Variants in ASS1 observed in about 807,000 individuals in gnomAD.
ASS1 encodes argininosuccinate synthase.
A neutral mutation model predicts 60.5 loss-of-function variants in ASS1; 58 were observed. The ratio of observed to expected loss-of-function variants is 0.96; its 90% confidence interval spans 0.78 to 1.19. The LOEUF (loss-of-function observed/expected upper bound fraction) is 1.19. Ranked by LOEUF, ASS1 falls within the 50% of genes most tolerant of loss-of-function variation. The probability of loss-of-function intolerance (pLI) is 0.00; values close to 1 mark genes in which losing one functional copy is unlikely to be tolerated. For synonymous variants in ASS1, 200 were observed against 206.9 expected (o/e 0.97, Z 0.29); for missense variants, 454 against 547.3 (o/e 0.83, Z 1.70).
intron 1 of ASS1, among the ~76,000 whole-genome samples, chr9:130,450,531 C>A (rs1014906529): frequency 2.6e-5 from 4 of 152,230 alleles, no homozygotes; most frequent in Non-Finnish European, 5.9e-5. Flanking sequence ...GAACCATCTT[C>A]TCTGCCCCAG....
intron 14 of ASS1, among the ~76,000 whole-genome samples, chr9:130,499,908 A>G (rs1284194204): frequency 1.3e-5 from 2 of 152,178 alleles, no homozygotes; most frequent in Non-Finnish European, 2.9e-5. Flanking sequence ...AGGAAATAGC[A>G]TAGAGGTGGA....
intron 11 of ASS1, 83 bp downstream of exon 11, chr9:130,480,532 C>A: frequency 6.8e-7 from 1 of 1,462,758 alleles, no homozygotes; most frequent in South Asian, 1.2e-5. Context: ...CCTTTGGACG[C>A]TACTACCCCC....
In ASS1 at chr9:130,470,957, C is replaced by T. The variant is rs534328086; in HGVS notation, c.566+53C>T. 228 of 1,582,746 alleles carry T rather than the reference C, an allele frequency of 1.4e-4. No individual in the cohort carries two copies. Among genetic ancestry groups the T allele is most frequent in the South Asian group, 6.5e-4 (59 of 90,406 alleles). On this transcript the variant is annotated intron_variant, in intron 7 of 14. Coordinates refer to ENST00000352480, the MANE Select transcript of ASS1 (RefSeq NM_054012.4). The surrounding 1 kb of genome is among the most constrained non-coding windows in gnomAD (Gnocchi z 4.3). ...GTCCTCCCGGGCTCATTCCAAAGGA[C>T]GGCCACGCGCTGCCCCAGGACGTCC...
rs1488840592 is a variant in ASS1 at position 130,457,282 on chromosome 9, G to A, written c.175-1119G>A. On this transcript the variant is annotated intron_variant, in intron 3 of 14. Coordinates refer to ENST00000352480, the MANE Select transcript of ASS1 (RefSeq NM_054012.4). Reference sequence around the variant, plus strand: ...TATTGAAGTTTATGAAGAAAACTGGGCAACACAGTGAGATCCCATCTCTAC... The same window carrying A: ...TATTGAAGTTTATGAAGAAAACTGGACAACACAGTGAGATCCCATCTCTAC... Among the ~76,000 whole-genome samples the A allele has an allele frequency of 2.0e-5, 3 of 152,054 alleles. No individual in the cohort carries two copies. The highest frequency in any genetic ancestry group is 2.1e-4 in the South Asian group (1 of 4,820).
chr9:130,460,321 C>T (rs73541983), intron 4 of ASS1, among the ~76,000 whole-genome samples: 11 of 152,174 alleles, frequency 7.2e-5, no homozygotes, highest in Non-Finnish European at 1.6e-4. Flanking sequence ...ATTTCTTCAC[C>T]GGAGCACTGG....
Position 130,452,291 on chromosome 9 carries a change from C to T in ASS1, c.63C>T (p.Leu21=), listed in dbSNP as rs774476997. ...GCGGCCTGGACACCTCGTGCATCCT[C>T]GTGTGGCTGAAGGAACAAGGCTATG... ...YSGGLDTSCI[L]VWLKEQGYDV... The change falls in exon 2 of 15, where the codon CTC becomes CTT. Residue 21 remains leucine (L), a synonymous_variant. Coordinates refer to ENST00000352480, the MANE Select transcript of ASS1 (RefSeq NM_054012.4). The T allele has an allele frequency of 6.8e-6, 11 of 1,614,036 alleles. No individual in the cohort carries two copies. The highest frequency in any genetic ancestry group is 5.3e-5 in the African/African-American group (4 of 74,908).
chr9:130,463,374 G>T lies in ASS1; in HGVS notation c.364-737G>T, dbSNP rs543607439. Among the ~76,000 whole-genome samples the T allele has an allele frequency of 4.6e-5, 7 of 152,132 alleles. No homozygotes were observed. In the East Asian group the frequency reaches 9.7e-4, roughly 21 times the overall value. Reference sequence around the variant, plus strand: ...GACGGTGGTCCCGGCTATGTCGGGGGTAACGTTCACAGCTCAGTGGGGTGT... The same window carrying T: ...GACGGTGGTCCCGGCTATGTCGGGGTTAACGTTCACAGCTCAGTGGGGTGT... On this transcript the variant is annotated intron_variant, in intron 4 of 14. Transcript: ENST00000352480.
intron 8 of ASS1, among the ~76,000 whole-genome samples, chr9:130,472,538 AGGGCGAG>A (rs1363671327): frequency 6.6e-6 from 1 of 152,140 alleles, no homozygotes; most frequent in Non-Finnish European, 1.5e-5. Context: ...CCGGCTGCTC[AGGGCGAG>A]GGAACGGGCC....
rs1424826350 is a variant in ASS1 at position 130,470,240 on chromosome 9, G to A, written c.496-594G>A. 1.3e-5 allele frequency among the ~76,000 whole-genome samples: 2 copies of A among 152,238 alleles called. No homozygotes were observed. Among genetic ancestry groups the A allele is most frequent in the African/African-American group, 4.8e-5 (2 of 41,458 alleles). Reference sequence around the variant, plus strand: ...CAACAGACTGGGCCATTTAGGAAGCGAAACAGAGCCAGAGCCGAGTGCCTT... The same window carrying A: ...CAACAGACTGGGCCATTTAGGAAGCAAAACAGAGCCAGAGCCGAGTGCCTT... On this transcript the variant is annotated intron_variant, in intron 6 of 14. Transcript: ENST00000352480. This position sits in a 1 kb window ranked among gnomAD's most constrained non-coding sequence, Gnocchi z 4.3.
intron 1 of ASS1, among the ~76,000 whole-genome samples, chr9:130,449,719 C>A (rs373766891): frequency 1.3e-5 from 2 of 152,166 alleles, no homozygotes; most frequent in Admixed American, 6.5e-5. Context: ...GTTTTCCTGA[C>A]TCTAAAATGA....
chr9:130,482,931 C>T (rs1846207062), intron 11 of ASS1, among the ~76,000 whole-genome samples: 1 of 152,198 alleles, frequency 6.6e-6, no homozygotes, highest in Non-Finnish European at 1.5e-5. Context: ...CAAGAACTTG[C>T]TGTGTGATCT....
At chr9:130,479,824 G>A (rs1564155944) in intron 10 of ASS1, 24 bp downstream of exon 10, 1 of 1,607,884 alleles carries the variant, frequency 6.2e-7, no homozygotes, top group South Asian at 1.1e-5. Flanking sequence ...GCCCTGTCCG[G>A]CCTCTTGGGA....
intron 8 of ASS1, among the ~76,000 whole-genome samples, chr9:130,475,683 T>C (rs1845994663): frequency 6.7e-6 from 1 of 148,972 alleles, no homozygotes; most frequent in Non-Finnish European, 1.5e-5. Flanking sequence ...TCTTACCAAA[T>C]GGGGCTGCTG....
chr9:130,475,038 T>G (rs1452844536), intron 8 of ASS1, among the ~76,000 whole-genome samples: 1 of 152,198 alleles, frequency 6.6e-6, no homozygotes, highest in African/African-American at 2.4e-5. Context: ...TCCACCACAG[T>G]CCCTGTCTTA....
chr9:130,448,379 C>A (rs1473672922), intron 1 of ASS1, among the ~76,000 whole-genome samples: 2 of 151,692 alleles, frequency 1.3e-5, no homozygotes, highest in African/African-American at 4.8e-5. Context: ...ACATTGTGTA[C>A]TCTCAGGTAC....
intron 13 of ASS1, 44 bp from the exon 14 acceptor site, chr9:130,499,461 G>T: frequency 6.3e-7 from 1 of 1,598,610 alleles, no homozygotes; most frequent in Non-Finnish European, 8.5e-7. Flanking sequence ...TTCAAGCAGA[G>T]GCCAGGGCCA....
Position 130,452,313 on chromosome 9 carries a change from T to C in ASS1, c.85T>C (p.Tyr29His). 6.2e-7 allele frequency: 1 copy of C among 1,613,908 alleles called. No homozygotes were observed. The highest frequency in any genetic ancestry group is 1.1e-5 in the South Asian group (1 of 91,072). ...CILVWLKEQGYDVIAYLANIG... is the reference protein window; with the variant it reads ...CILVWLKEQGHDVIAYLANIG... Reference sequence around the variant, plus strand: ...CCTCGTGTGGCTGAAGGAACAAGGCTATGACGTCATTGCCTATCTGGTGAG... The same window carrying C: ...CCTCGTGTGGCTGAAGGAACAAGGCCATGACGTCATTGCCTATCTGGTGAG... Residue 29 changes from tyrosine (Y) to histidine (H), a missense_variant, in exon 2 of 15, where the codon TAT becomes CAT. Tyr to His is a moderately conservative substitution (Grantham distance 83). Transcript: ENST00000352480.
Position 130,489,140 on chromosome 9 carries a change from G to A in ASS1, c.839-193G>A, listed in dbSNP as rs766464812. Among the ~76,000 whole-genome samples, 5 of 152,134 alleles carry A rather than the reference G, an allele frequency of 3.3e-5. No individual in the cohort carries two copies. The highest frequency in any genetic ancestry group is 1.9e-4 in the East Asian group (1 of 5,196). ...TTCTCCACAAGCCGCAGAGTGGACTGTCGTGGCCCCAGCATGAACATAATG... is the reference window on the plus strand; with the variant it reads ...TTCTCCACAAGCCGCAGAGTGGACTATCGTGGCCCCAGCATGAACATAATG... On this transcript the variant is annotated intron_variant, in intron 11 of 14. Transcript: ENST00000352480. The surrounding 1 kb of genome is among the most constrained non-coding windows in gnomAD (Gnocchi z 4.1).
chr9:130,485,219 G>A (rs58648112), intron 11 of ASS1, among the ~76,000 whole-genome samples: 5 of 152,274 alleles, frequency 3.3e-5, no homozygotes, highest in East Asian at 3.9e-4. Flanking sequence ...CTGTGGCCTC[G>A]AATGTTCTCG....
Sources: allele counts gnomAD v4.1 joint callset (sites outside exome capture counted in the v4.1 genomes callset), GRCh38; gene constraint gnomAD v4.1.1; non-coding constraint Gnocchi (gnomAD v3.1); transcripts MANE v1.5; gene names NCBI Gene and HGNC (gene_info 2026-07-23, HGNC 2026-07-21).